Variants in TRIM71 observed in about 807,000 individuals in gnomAD.
The protein encoded by TRIM71 is tripartite motif containing 71.
TRIM71 carries 9 observed loss-of-function variants against 61.2 expected under a neutral mutation model. The observed-to-expected ratio is 0.15, with a 90% CI of 0.09 to 0.26. The LOEUF (loss-of-function observed/expected upper bound fraction) is 0.26, where lower values mean the gene tolerates loss of function less well. Ranked by LOEUF, TRIM71 falls within the 10% of genes least tolerant of loss-of-function variation. TRIM71 has a pLI of 1.00. For missense variants in TRIM71, 998 were observed against 1,238.7 expected (o/e 0.81, Z 2.92); for synonymous variants, 645 against 553.2 (o/e 1.17, Z -2.33).
chr3:32,894,445 A>G lies in TRIM71; in HGVS notation c.*2634A>G, dbSNP rs1697058856. 1 of 152,204 alleles carries G rather than the reference A, an allele frequency of 6.6e-6. No individual in the cohort carries two copies. 9.4% of individuals were successfully genotyped at this position (152,204 alleles called of 1,614,324 possible). On this transcript the variant is annotated 3_prime_UTR_variant, in exon 4 of 4. Coordinates refer to ENST00000383763, the MANE Select transcript of TRIM71 (RefSeq NM_001039111.3). ...GGCTGAAATTATCAGGTCTTAATTT[A>G]CAGACTTGTAAATTTGCAGGCTTAG...
At chr3:32,827,883 C>T (rs1353192903) in intron 1 of TRIM71, among the ~76,000 whole-genome samples, 1 of 152,182 alleles carries the variant, frequency 6.6e-6, no homozygotes, top group African/African-American at 2.4e-5. Flanking sequence ...TTCTTCTCGT[C>T]TTAACCTTTT....
chr3:32,818,728 G>C lies in TRIM71; in HGVS notation c.648G>C (p.Gln216His). 6.3e-7 allele frequency: 1 copy of C among 1,599,040 alleles called. No individual in the cohort carries two copies. Among genetic ancestry groups the C allele is most frequent in the Non-Finnish European group, 8.5e-7 (1 of 1,177,334 alleles). Residue 216 changes from glutamine to histidine, a missense_variant, in exon 1 of 4, where the codon CAG becomes CAC. Coordinates refer to ENST00000383763, the MANE Select transcript of TRIM71 (RefSeq NM_001039111.3). ...NAASSRCLDC[Q>H]EHLCDNCVRA... Reference sequence around the variant, plus strand: ...CTTCTTCGCGCTGCCTCGACTGCCAGGAGCACCTGTGCGACAACTGCGTCC... The same window carrying C: ...CTTCTTCGCGCTGCCTCGACTGCCACGAGCACCTGTGCGACAACTGCGTCC...
intron 1 of TRIM71, among the ~76,000 whole-genome samples, chr3:32,850,414 G>A (rs1209378460): frequency 6.6e-6 from 1 of 152,110 alleles, no homozygotes; most frequent in Non-Finnish European, 1.5e-5. Context: ...GAGTGTTGAT[G>A]TCATAGTATT....
At chr3:32,852,107 C>T (rs1480568305) in intron 1 of TRIM71, among the ~76,000 whole-genome samples, 2 of 152,178 alleles carry the variant, frequency 1.3e-5, no homozygotes, top group Non-Finnish European at 2.9e-5. Flanking sequence ...TTGGACCAGG[C>T]TGTTTTATGG....
chr3:32,839,330 A>G (rs1696376251), intron 1 of TRIM71, among the ~76,000 whole-genome samples: 1 of 151,886 alleles, frequency 6.6e-6, no homozygotes, highest in African/African-American at 2.4e-5. Flanking sequence ...TCCCGGGTTC[A>G]AGTGATTCTC....
chr3:32,874,330 C>T (rs75016613), intron 2 of TRIM71, among the ~76,000 whole-genome samples: 1,154 of 99,674 alleles, frequency 0.012, 19 homozygotes, highest in African/African-American at 0.036. Context: ...CTTATTACTA[C>T]TACTACTACT....
At chr3:32,836,075 T>C (rs901494844) in intron 1 of TRIM71, among the ~76,000 whole-genome samples, 1 of 152,220 alleles carries the variant, frequency 6.6e-6, no homozygotes, top group Non-Finnish European at 1.5e-5. Flanking sequence ...CTTGTGTCCC[T>C]GTAACCCTCT....
At chr3:32,823,883 C>CCA (rs1171355858) in intron 1 of TRIM71, among the ~76,000 whole-genome samples, 1 of 152,070 alleles carries the variant, frequency 6.6e-6, no homozygotes, top group Non-Finnish European at 1.5e-5. Flanking sequence ...ACCATCCTGG[C>CCA]CAACATGGTG....
intron 3 of TRIM71, among the ~76,000 whole-genome samples, chr3:32,889,584 A>ATTATTATTG: frequency 6.8e-6 from 1 of 147,466 alleles, no homozygotes. Context: ...TATTATTATT[A>ATTATTATTG]TTATTATTAT....
intron 1 of TRIM71, among the ~76,000 whole-genome samples, chr3:32,865,947 C>T (rs900625696): frequency 6.6e-6 from 1 of 150,952 alleles, no homozygotes; most frequent in African/African-American, 2.4e-5. Context: ...CTGCCTCAGC[C>T]TCCTGAGTAG....
At chr3:32,834,350 G>A (rs1266538879) in intron 1 of TRIM71, among the ~76,000 whole-genome samples, 1 of 152,180 alleles carries the variant, frequency 6.6e-6, no homozygotes, top group East Asian at 1.9e-4. Flanking sequence ...TAAGCCTGTT[G>A]TGCAATAAAT....
At chr3:32,826,742 G>A (rs1006683410) in intron 1 of TRIM71, among the ~76,000 whole-genome samples, 2 of 150,070 alleles carry the variant, frequency 1.3e-5, no homozygotes, top group African/African-American at 2.5e-5. Flanking sequence ...CACCACACCC[G>A]GTCAGGTGAG....
intron 3 of TRIM71, among the ~76,000 whole-genome samples, chr3:32,888,587 C>G (rs1379306359): frequency 6.6e-6 from 1 of 151,944 alleles, no homozygotes; most frequent in Non-Finnish European, 1.5e-5. Flanking sequence ...ATTGCCCAGG[C>G]TGGACTGCAG....
rs1697040130 is a variant in TRIM71 at position 32,892,694 on chromosome 3, G to C, written c.*883G>C. The C allele has an allele frequency of 6.6e-6, 1 of 152,106 alleles. No homozygotes were observed. Among genetic ancestry groups the C allele is most frequent in the Non-Finnish European group, 1.5e-5 (1 of 68,020 alleles). 9.4% of individuals were successfully genotyped at this position (152,106 alleles called of 1,614,324 possible). A position where few individuals can be genotyped will look rare whatever the true frequency, so the allele number is the denominator to read the frequency against. On this transcript the variant is annotated 3_prime_UTR_variant, in exon 4 of 4. Coordinates refer to ENST00000383763, the MANE Select transcript of TRIM71 (RefSeq NM_001039111.3). ...TGGTTTCTTAAAAAAGTATATAGAT[G>C]GTAGCTCAGGATTTTTGATTAAACA...
intron 1 of TRIM71, among the ~76,000 whole-genome samples, chr3:32,862,251 G>A (rs1332869739): frequency 1.3e-5 from 2 of 152,162 alleles, no homozygotes; most frequent in African/African-American, 2.4e-5. Context: ...GGAAGTGCTC[G>A]GTTGTGTTAA....
intron 1 of TRIM71, among the ~76,000 whole-genome samples, chr3:32,842,562 T>G (rs1696418461): frequency 6.6e-6 from 1 of 152,244 alleles, no homozygotes; most frequent in African/African-American, 2.4e-5. Context: ...GTATGCTCTG[T>G]CCCTTCCTGG....
chr3:32,845,812 C>G (rs1696464749), intron 1 of TRIM71, among the ~76,000 whole-genome samples: 1 of 151,868 alleles, frequency 6.6e-6, no homozygotes, highest in Non-Finnish European at 1.5e-5. Flanking sequence ...CCTCCGCCTC[C>G]CGGGTTCAAG....
intron 1 of TRIM71, among the ~76,000 whole-genome samples, chr3:32,833,082 GGA>G (rs1277945260): frequency 2.7e-5 from 4 of 150,074 alleles, no homozygotes; most frequent in Non-Finnish European, 5.9e-5. Context: ...GGCTGAGGCA[GGA>G]GAATCACTGG....
intron 3 of TRIM71, among the ~76,000 whole-genome samples, chr3:32,886,746 G>T (rs891114147): frequency 1.3e-5 from 2 of 152,182 alleles, no homozygotes; most frequent in Admixed American, 1.3e-4. Context: ...TCCTTGTGGA[G>T]TGTGCCTGTT....
Sources: gnomAD v4.1 joint callset for allele counts (sites outside exome capture counted in the v4.1 genomes callset) on GRCh38, gnomAD v4.1.1 for gene constraint, MANE v1.5 for transcripts, NCBI Gene and HGNC (gene_info 2026-07-23, HGNC 2026-07-21) for gene names.